DNAAF2: variants seen among roughly 807,000 people sequenced by gnomAD.
The protein encoded by DNAAF2 is dynein axonemal assembly factor 2.
In DNAAF2, 58 loss-of-function variants were observed where a neutral mutation model predicts 48.8. The ratio of observed to expected loss-of-function variants is 1.19; its 90% CI spans 0.96 to 1.48. DNAAF2 has a LOEUF of 1.48. Among genes scored for constraint, DNAAF2 ranks in the 40% most tolerant of loss-of-function variants. The pLI is 0.00. For missense variants in DNAAF2, 1,241 were observed against 1,116.1 expected, an observed-to-expected ratio of 1.11 and a Z score of -1.59; for synonymous variants, 567 against 481.2, an observed-to-expected ratio of 1.18 and a Z score of -2.33.
Position 49,633,668 on chromosome 14 carries a change from T to A in DNAAF2, c.1482A>T (p.Thr494=), listed in dbSNP as rs2985687. The change falls in exon 1 of 3, where the codon ACA becomes ACT. Residue 494 remains threonine (T), a synonymous_variant. Coordinates refer to ENST00000298292, the MANE Select transcript of DNAAF2 (RefSeq NM_018139.3). The part of the protein sequence containing the change: ...ESARGDSSVE[T]REESEGTGGQ... ...CGCCCGTGCCCTCCGACTCCTCGCG[T>A]GTTTCCACACTGCTATCTCCGCGCG... The A allele has an allele frequency of 1.2e-6, 2 of 1,610,630 alleles. No homozygotes were observed. The highest frequency in any genetic ancestry group is 1.7e-6 in the Non-Finnish European group (2 of 1,177,950).
intron 1 of DNAAF2, among the ~76,000 whole-genome samples, chr14:49,631,517 C>T (rs1316472443): frequency 2.6e-5 from 4 of 151,952 alleles, no homozygotes; most frequent in South Asian, 2.1e-4. Flanking sequence ...CCCAGCTACT[C>T]GGGAGGCTGA....
At chr14:49,630,709 TCTACAC>T (rs796405679) in intron 1 of DNAAF2, among the ~76,000 whole-genome samples, 2 of 64,898 alleles carry the variant, frequency 3.1e-5, no homozygotes, top group South Asian at 3.4e-4. Flanking sequence ...ACATAAACTC[TCTACAC>T]ACACACACAC....
rs1389814148 is a variant in DNAAF2 at position 49,635,132 on chromosome 14, G to C, written c.18C>G (p.Ala6=). The C allele has an allele frequency of 1.3e-6, 2 of 1,561,506 alleles. No homozygotes were observed. The highest frequency in any genetic ancestry group is 1.4e-5 in the African/African-American group (1 of 73,580). Residue 6 remains alanine, a synonymous_variant, in exon 1 of 3, where the codon GCC becomes GCG. Coordinates refer to ENST00000298292, the MANE Select transcript of DNAAF2 (RefSeq NM_018139.3). MAKAA[A]SSSLEDLDLS... is the part of the protein sequence containing the mutation. The stretch of plus-strand genomic sequence containing the variant: ...GGTCCAAGTCCTCCAGCGACGAGGA[G>C]GCCGCCGCTTTGGCCATACTGTCCT...
rs753804049 is a variant in DNAAF2, at chr14:49,625,817, C to T, written c.2239G>A (p.Glu747Lys). Reference protein sequence around the residue: ...QMILGKSQQPESKMQSEFIKE... With the variant: ...QMILGKSQQPKSKMQSEFIKE... ...ATAAATTCAGATTGCATTTTTGACT[C>T]AGGTTGCTGAGATTTTCCAAGTATC... The change falls in exon 3 of 3, where the codon GAG becomes AAG. Residue 747 changes from glutamate (E) to lysine (K), a missense_variant. Coordinates refer to ENST00000298292, the MANE Select transcript of DNAAF2 (RefSeq NM_018139.3). 6.2e-7 allele frequency: 1 copy of T among 1,607,656 alleles called. No individual in the cohort carries two copies. The highest frequency in any genetic ancestry group is 8.5e-7 in the Non-Finnish European group (1 of 1,178,064).
rs746505789 is a variant in DNAAF2, at chr14:49,633,803, G to A, written c.1347C>T (p.Gly449=). 2.5e-6 allele frequency: 4 copies of A among 1,589,140 alleles called. No homozygotes were observed. The highest frequency in any genetic ancestry group is 2.2e-5 in the South Asian group (2 of 89,574). The part of the protein sequence containing the change: ...DLSRHAGSPP[G]SVEEPSPGGE... Reference sequence around the variant, plus strand: ...CTCCAGGAGATGGCTCCTCCACGCTGCCCGGCGGTGACCCCGCGTGCCTGC... The same window carrying A: ...CTCCAGGAGATGGCTCCTCCACGCTACCCGGCGGTGACCCCGCGTGCCTGC... Residue 449 remains glycine, a synonymous_variant, in exon 1 of 3, where the codon GGC becomes GGT. Transcript: ENST00000298292.
intron 2 of DNAAF2, among the ~76,000 whole-genome samples, chr14:49,626,829 T>G (rs1470818454): frequency 2.4e-5 from 3 of 125,652 alleles, no homozygotes; most frequent in South Asian, 2.5e-4. Context: ...TTTTTGAGAT[T>G]GAGTCTGGCT....
Position 49,634,009 on chromosome 14 carries a change from C to T in DNAAF2, c.1141G>A (p.Ala381Thr). Residue 381 changes from alanine (A) to threonine (T), a missense_variant, in exon 1 of 3, where the codon GCT becomes ACT. By Grantham distance (58) the Ala-to-Thr change is moderately conservative. Coordinates refer to ENST00000298292, the MANE Select transcript of DNAAF2 (RefSeq NM_018139.3). ...CCCGCCTCCCCCTCGCGAGCGGAAG[C>T]GCAGGCCTGGCCGTCAGTTCCGGAC... Reference protein sequence around the residue: ...DRSGTDGQACASAREGEAGPA... With the variant: ...DRSGTDGQACTSAREGEAGPA... 1 of 1,523,106 alleles carries T rather than the reference C, an allele frequency of 6.6e-7. No individual in the cohort carries two copies. The highest frequency in any genetic ancestry group is 1.2e-5 in the South Asian group (1 of 81,984). The allele number at this position is 1,523,106 out of a possible 1,614,324, so 94.3% of individuals were successfully genotyped here.
Position 49,634,856 on chromosome 14 carries a change from C to T in DNAAF2, c.294G>A (p.Val98=). 1.9e-6 allele frequency: 3 copies of T among 1,546,848 alleles called. No homozygotes were observed. The highest frequency in any genetic ancestry group is 2.6e-6 in the Non-Finnish European group (3 of 1,145,786). ...CFVNVCSNAL[V]GAPSSRPGSG... ...AGCCGGGCCGGCTGCTGGGCGCGCC[C>T]ACCAACGCGTTGCTGCAGACATTCA... is the stretch of plus-strand genomic sequence containing the variant. Residue 98 remains valine (V), a synonymous_variant, in exon 1 of 3, where the codon GTG becomes GTA. Transcript: ENST00000298292.
At chr14:49,629,668 A>C (rs1883102121) in intron 1 of DNAAF2, 1 of 151,976 alleles carries the variant, frequency 6.6e-6, no homozygotes, top group African/African-American at 2.4e-5. Context: ...TGTCTCAAAA[A>C]AAAAAATTTG....
chr14:49,633,330 T>C lies in DNAAF2; in HGVS notation c.1820A>G (p.His607Arg). The C allele has an allele frequency of 1.2e-6, 2 of 1,614,052 alleles. No homozygotes were observed. Among genetic ancestry groups the C allele is most frequent in the Non-Finnish European group, 1.7e-6 (2 of 1,179,884 alleles). Reference protein sequence around the residue: ...ELAKSPESHGHWREWYYGVNN... With the variant: ...ELAKSPESHGRWREWYYGVNN... ...TACACCATAATACCACTCTCTCCAA[T>C]GTCCATGGCTCTCTGGAGATTTTGC... The change falls in exon 1 of 3, where the codon CAT (histidine) becomes CGT (arginine). Residue 607 changes from histidine (H) to arginine (R), a missense_variant. Physicochemically the swap from His to Arg is conservative, Grantham distance 29. Coordinates refer to ENST00000298292, the MANE Select transcript of DNAAF2 (RefSeq NM_018139.3).
chr14:49,635,222 G>T lies in DNAAF2; in HGVS notation c.-73C>A. 1.4e-6 allele frequency: 2 copies of T among 1,476,184 alleles called. No homozygotes were observed. Among genetic ancestry groups the T allele is most frequent in the Non-Finnish European group, 1.8e-6 (2 of 1,083,120 alleles). The allele number at this position is 1,476,184 out of a possible 1,614,324, so 91.4% of individuals were successfully genotyped here. On this transcript the variant is annotated 5_prime_UTR_variant, in exon 1 of 3. Coordinates refer to ENST00000298292, the MANE Select transcript of DNAAF2 (RefSeq NM_018139.3). ...ACTGGGTTGGGGGATCCGCCTCAGAGTTTCTGGGCAGCGTACAGTGACGCG... is the reference window on the plus strand; with the variant it reads ...ACTGGGTTGGGGGATCCGCCTCAGATTTTCTGGGCAGCGTACAGTGACGCG...
chr14:49,632,510 A>G (rs1016309989), intron 1 of DNAAF2, among the ~76,000 whole-genome samples: 3 of 151,572 alleles, frequency 2.0e-5, no homozygotes, highest in African/African-American at 4.9e-5. Context: ...CAGTAGCATG[A>G]TATCGGCTCA....
chr14:49,625,455 T>G lies in DNAAF2; in HGVS notation c.*87A>C. Reference sequence around the variant, plus strand: ...ATTTTAATTTTATACTTTAATACCTTTAGTTTTAAGACAACAGTTAACAGA... The same window carrying G: ...ATTTTAATTTTATACTTTAATACCTGTAGTTTTAAGACAACAGTTAACAGA... On this transcript the variant is annotated 3_prime_UTR_variant, in exon 3 of 3. Transcript: ENST00000298292. 9.7e-7 allele frequency: 1 copy of G among 1,026,380 alleles called. No homozygotes were observed. The highest frequency in any genetic ancestry group is 1.3e-6 in the Non-Finnish European group (1 of 776,434). The allele number at this position is 1,026,380 out of a possible 1,614,324, so 63.6% of individuals were successfully genotyped here. A position where few individuals can be genotyped will look rare whatever the true frequency, so the allele number is the denominator to read the frequency against.
At chr14:49,630,700 CATAA>C (rs1883131259) in intron 1 of DNAAF2, among the ~76,000 whole-genome samples, 36 of 102,954 alleles carry the variant, frequency 3.5e-4, no homozygotes, top group Non-Finnish European at 5.4e-4. Context: ...CACACACACA[CATAA>C]ACTCTCTACA....
At chr14:49,630,323 ATC>A in intron 1 of DNAAF2, among the ~76,000 whole-genome samples, 1 of 152,222 alleles carries the variant, frequency 6.6e-6, no homozygotes, top group South Asian at 2.1e-4. Flanking sequence ...AAATGCAAAA[ATC>A]ACCTTTTACC....
chr14:49,630,255 AAAT>A (rs1437009114), intron 1 of DNAAF2, among the ~76,000 whole-genome samples: 116 of 151,718 alleles, frequency 7.6e-4, no homozygotes, highest in African/African-American at 2.7e-3. Context: ...ATAAATAAAT[AAAT>A]AATGAGGTAG....
At chr14:49,627,140 C>T (rs1399453345) in intron 2 of DNAAF2, among the ~76,000 whole-genome samples, 1 of 152,124 alleles carries the variant, frequency 6.6e-6, no homozygotes, top group African/African-American at 2.4e-5. Context: ...AAACCTGGCA[C>T]TAATATCCTG....
At position 49,625,692 on chromosome 14, in the gene DNAAF2, T is replaced by C. The variant is rs1379567917; in HGVS notation, c.2364A>G (p.Ser788=). 2.5e-6 allele frequency: 4 copies of C among 1,613,658 alleles called. No homozygotes were observed. The highest frequency in any genetic ancestry group is 1.1e-5 in the South Asian group (1 of 91,088). Reference sequence around the variant, plus strand: ...TGTGAACCGTAGTTTTGTTCAGTAATGAAGATAGGTGATCTCCATCTGTTT... The same window carrying C: ...TGTGAACCGTAGTTTTGTTCAGTAACGAAGATAGGTGATCTCCATCTGTTT... ...EKETDGDHLS[S]LLNKTTVHNI... is the part of the protein sequence containing the mutation. The change falls in exon 3 of 3, where the codon TCA becomes TCG. Residue 788 remains serine, a synonymous_variant. Transcript: ENST00000298292.
In DNAAF2 at chr14:49,634,502, C is replaced by G. The variant is rs755099616; in HGVS notation, c.648G>C (p.Glu216Asp). The G allele has an allele frequency of 1.4e-4, 231 of 1,596,042 alleles. No homozygotes were observed. Among genetic ancestry groups the G allele is most frequent in the Non-Finnish European group, 1.9e-4 (228 of 1,177,276 alleles). The change falls in exon 1 of 3, where the codon GAG becomes GAC. Residue 216 changes from glutamate to aspartate, a missense_variant. Coordinates refer to ENST00000298292, the MANE Select transcript of DNAAF2 (RefSeq NM_018139.3). Reference protein sequence around the residue: ...PGVIPARPDGEPKGPLPDFPY... With the variant: ...PGVIPARPDGDPKGPLPDFPY... Reference sequence around the variant, plus strand: ...GGAAGTCCGGGAGAGGACCCTTCGGCTCCCCGTCAGGCCTTGCGGGGATGA... The same window carrying G: ...GGAAGTCCGGGAGAGGACCCTTCGGGTCCCCGTCAGGCCTTGCGGGGATGA...
Sources: gnomAD v4.1 joint callset for allele counts (sites outside exome capture counted in the v4.1 genomes callset) on GRCh38, gnomAD v4.1.1 for gene constraint, MANE v1.5 for transcripts, NCBI Gene and HGNC (gene_info 2026-07-23, HGNC 2026-07-21) for gene names.